Variants in MAEL observed in about 807,000 individuals in gnomAD.
The protein encoded by MAEL is maelstrom spermatogenic transposon silencer.
In MAEL, 46 loss-of-function variants were observed where a neutral mutation model predicts 62.0. The ratio of observed to expected loss-of-function variants is 0.74; its 90% CI spans 0.59 to 0.95. The LOEUF is 0.95. Among genes scored for constraint, MAEL ranks in the 40% least tolerant of loss-of-function variants. The pLI, the probability that MAEL is intolerant of heterozygous loss-of-function variation, is 0.00. For synonymous variants in MAEL, 172 were observed against 175.5 expected (o/e 0.98, Z 0.16); for missense variants, 497 against 526.8 (o/e 0.94, Z 0.55).
intron 1 of MAEL, among the ~76,000 whole-genome samples, chr1:166,982,215 A>G (rs1173074239): frequency 6.6e-6 from 1 of 152,344 alleles, no homozygotes; most frequent in Non-Finnish European, 1.5e-5. Flanking sequence ...TTATCACTTA[A>G]CTTTGGCAAA....
At chr1:167,004,150 G>C in intron 5 of MAEL, 30 bp from the exon 6 acceptor site, 2 of 1,590,548 alleles carry the variant, frequency 1.3e-6, no homozygotes, top group Non-Finnish European at 8.6e-7. Flanking sequence ...CTTGCTCAAA[G>C]TTTGAACTTC....
intron 5 of MAEL, among the ~76,000 whole-genome samples, chr1:166,995,257 G>A (rs1365171561): frequency 6.8e-6 from 1 of 147,456 alleles, no homozygotes; most frequent in Non-Finnish European, 1.5e-5. Flanking sequence ...GTTTTTTTTT[G>A]GAGACAGATT....
intron 2 of MAEL, 162 bp downstream of exon 2, chr1:166,989,991 A>T: frequency 1.6e-6 from 1 of 618,974 alleles, no homozygotes; most frequent in Non-Finnish European, 2.9e-6. Flanking sequence ...ATGCCTGTTA[A>T]AAAAAACCAA....
At chr1:167,006,122 T>C (rs920127801) in intron 8 of MAEL, 1 of 152,092 alleles carries the variant, frequency 6.6e-6, no homozygotes, top group African/African-American at 2.4e-5. Flanking sequence ...ATAGAACATT[T>C]ATATTACCAT....
intron 1 of MAEL, among the ~76,000 whole-genome samples, chr1:166,980,553 C>T (rs1192341885): frequency 2.0e-5 from 3 of 152,116 alleles, no homozygotes; most frequent in African/African-American, 7.2e-5. Context: ...ATGTCTCATT[C>T]GTGAGCAGTT....
chr1:167,013,339 C>T (rs1008152883), intron 8 of MAEL, among the ~76,000 whole-genome samples: 2 of 152,172 alleles, frequency 1.3e-5, no homozygotes, highest in Non-Finnish European at 2.9e-5. Flanking sequence ...CAAGCCCTGA[C>T]GAGCTCTGAC....
intron 1 of MAEL, among the ~76,000 whole-genome samples, chr1:166,982,964 A>C (rs537072526): frequency 5.2e-4 from 79 of 152,248 alleles, no homozygotes; most frequent in South Asian, 1.7e-3. Flanking sequence ...TCGTTGCTCA[A>C]ATTTCATTTC....
In MAEL at chr1:167,004,263, A is replaced by G; in HGVS notation, c.607A>G (p.Ile203Val). The change falls in exon 6 of 12, where the codon ATT (isoleucine) becomes GTT (valine). Residue 203 changes from isoleucine (I) to valine (V), a missense_variant. By Grantham distance (29) the Ile-to-Val change is conservative (BLOSUM62 3). Coordinates refer to ENST00000367872, the MANE Select transcript of MAEL (RefSeq NM_032858.3). ...TGTGTTACAAAACCTTTATAGATTT[A>G]TTCATCCCAACCCAGGGAACTGGCC... Reference protein sequence around the residue: ...ATVLQNLYRFIHPNPGNWPPI... With the variant: ...ATVLQNLYRFVHPNPGNWPPI... The G allele has an allele frequency of 6.2e-7, 1 of 1,609,564 alleles. No homozygotes were observed. Among genetic ancestry groups the G allele is most frequent in the Non-Finnish European group, 8.5e-7 (1 of 1,178,042 alleles).
intron 8 of MAEL, among the ~76,000 whole-genome samples, chr1:167,011,759 G>C (rs1477584622): frequency 1.3e-5 from 2 of 152,158 alleles, no homozygotes; most frequent in Admixed American, 6.5e-5. Context: ...ATTTGTACAT[G>C]GTTAGGCAAT....
intron 1 of MAEL, among the ~76,000 whole-genome samples, chr1:166,979,540 T>A (rs1663696611): frequency 6.6e-6 from 1 of 152,174 alleles, no homozygotes; most frequent in African/African-American, 2.4e-5. Flanking sequence ...AGAAAGGAAA[T>A]GCAAGTATAC....
chr1:166,997,021 TTTC>T (rs1664456686), intron 5 of MAEL, among the ~76,000 whole-genome samples: 1 of 152,120 alleles, frequency 6.6e-6, no homozygotes, highest in Non-Finnish European at 1.5e-5. Flanking sequence ...AGAGACAGGG[TTTC>T]ACCATGTTGG....
chr1:166,989,758 G>T lies in MAEL; in HGVS notation c.154G>T (p.Glu52Ter). The T allele has an allele frequency of 1.2e-6, 2 of 1,614,044 alleles. No individual in the cohort carries two copies. The highest frequency in any genetic ancestry group is 1.7e-6 in the Non-Finnish European group (2 of 1,180,006). The change falls in exon 2 of 12, where the codon GAG becomes TAG. Residue 52 changes from glutamate to a stop codon, truncating the protein, a stop_gained. Coordinates refer to ENST00000367872, the MANE Select transcript of MAEL (RefSeq NM_032858.3). LOFTEE classifies it high-confidence loss of function. ...DWALLREEEK[E>*]KYAEMAREWR... ...AAAGCTTCTGAGGGAGGAAGAAAAG[G>T]AGAAATACGCAGAAATGGCTCGAGA...
chr1:166,987,446 G>C (rs775272892), upstream of MAEL, among the ~76,000 whole-genome samples: 44 of 152,166 alleles, frequency 2.9e-4, no homozygotes, highest in Admixed American at 2.8e-3. Flanking sequence ...GGGTTGTCCA[G>C]CTTGGAGCTC....
upstream of MAEL, chr1:166,989,117 T>A (rs540060616): frequency 1.8e-6 from 1 of 551,302 alleles, no homozygotes; most frequent in East Asian, 3.2e-5. Context: ...TCAGAGCACT[T>A]GGCACCTGCG....
At chr1:166,997,193 C>T (rs1449054580) in intron 5 of MAEL, among the ~76,000 whole-genome samples, 1 of 152,248 alleles carries the variant, frequency 6.6e-6, no homozygotes, top group African/African-American at 2.4e-5. Flanking sequence ...CTAATAATAA[C>T]TGTTGAGCTA....
chr1:167,004,919 T>C (rs946483635), intron 6 of MAEL, among the ~76,000 whole-genome samples, 157 bp from the exon 7 acceptor site: 2 of 152,182 alleles, frequency 1.3e-5, no homozygotes, highest in African/African-American at 4.8e-5. Context: ...CAATTTTTTA[T>C]AGTTTTCATT....
chr1:166,998,249 G>C (rs1055199131), intron 5 of MAEL, among the ~76,000 whole-genome samples: 1 of 151,962 alleles, frequency 6.6e-6, no homozygotes, highest in South Asian at 2.1e-4. Context: ...CTTTATATTT[G>C]TAAACATGGG....
At chr1:166,985,659 T>G (rs7518155), upstream of MAEL, among the ~76,000 whole-genome samples, 39,807 of 152,076 alleles carry the variant, frequency 0.26, 5,588 homozygotes, top group African/African-American at 0.37. Context: ...AGACTCAAAC[T>G]GTTTCCAAGT....
intron 6 of MAEL, 81 bp downstream of exon 6, chr1:167,004,385 G>A (rs1456758196): frequency 7.4e-7 from 1 of 1,356,218 alleles, no homozygotes; most frequent in Non-Finnish European, 1.0e-6. Context: ...TTTTGCCTGT[G>A]TATTTTTGTC....
Sources: gnomAD v4.1 joint callset for allele counts (sites outside exome capture counted in the v4.1 genomes callset) on GRCh38, gnomAD v4.1.1 for gene constraint, MANE v1.5 for transcripts, NCBI Gene and HGNC (gene_info 2026-07-23, HGNC 2026-07-21) for gene names.